Variants in FFAR4 observed in about 807,000 individuals in gnomAD.
The protein encoded by FFAR4 is G-protein coupled receptor 120.
Under a neutral mutation model 27.0 loss-of-function variants are expected in FFAR4, and 19 were observed. The ratio of observed to expected loss-of-function variants is 0.70; its 90% CI spans 0.49 to 1.03. FFAR4 has a LOEUF of 1.03. Ranked by LOEUF, FFAR4 falls within the 50% of genes least tolerant of loss-of-function variation. The probability of loss-of-function intolerance (pLI) is 0.00; values close to 1 mark genes in which losing one functional copy is unlikely to be tolerated. For missense variants in FFAR4, 476 were observed against 479.0 expected (o/e 0.99, Z 0.06); for synonymous variants, 254 against 215.6 (o/e 1.18, Z -1.56).
chr10:93,571,530 G>A lies in FFAR4; in HGVS notation c.567+4243G>A, dbSNP rs548556440. The stretch of plus-strand genomic sequence containing the variant: ...ACTCTTTTGGGTCCCTCTGGATACC[G>A]TCACCCTTGGGTTTATACTCCCTTG... On this transcript the variant is annotated intron_variant, in intron 1 of 2. Transcript: ENST00000371481. Among the ~76,000 whole-genome samples the A allele has an allele frequency of 6.6e-4, 101 of 152,220 alleles. 1 individual carries two copies. The highest frequency in any genetic ancestry group is 2.1e-3 in the African/African-American group (87 of 41,524).
chr10:93,566,697 G>T lies in FFAR4; in HGVS notation c.-24G>T, dbSNP rs367594347. On this transcript the variant is annotated 5_prime_UTR_variant, in exon 1 of 3. Transcript: ENST00000371481. Reference sequence around the variant, plus strand: ...TCCCAGATGAGCACTCTCTCAGACCGCTGCGGGCCGCCAGGCGCCGGGAAT... The same window carrying T: ...TCCCAGATGAGCACTCTCTCAGACCTCTGCGGGCCGCCAGGCGCCGGGAAT... 1.3e-6 allele frequency: 2 copies of T among 1,493,744 alleles called. No individual in the cohort carries two copies. The highest frequency in any genetic ancestry group is 1.3e-5 in the South Asian group (1 of 78,308). The allele number at this position is 1,493,744 out of a possible 1,614,324, so 92.5% of individuals were successfully genotyped here. A position where few individuals can be genotyped will look rare whatever the true frequency, so the allele number is the denominator to read the frequency against.
intron 2 of FFAR4, among the ~76,000 whole-genome samples, chr10:93,578,715 T>C (rs986458716): frequency 5.3e-5 from 8 of 152,162 alleles, no homozygotes; most frequent in Non-Finnish European, 1.2e-4. Flanking sequence ...CGGTCGTGAT[T>C]TGTTAGGCAA....
chr10:93,577,557 C>T (rs1161998784), intron 2 of FFAR4, among the ~76,000 whole-genome samples: 1 of 152,160 alleles, frequency 6.6e-6, no homozygotes, highest in Admixed American at 6.5e-5. Flanking sequence ...AGATTCAGGC[C>T]TGGAGTTAAG....
intron 2 of FFAR4, among the ~76,000 whole-genome samples, chr10:93,581,829 T>A (rs1246597351): frequency 6.6e-6 from 1 of 151,948 alleles, no homozygotes; most frequent in East Asian, 1.9e-4. Context: ...TGGACCACAT[T>A]CCCCAGATGC....
intron 1 of FFAR4, among the ~76,000 whole-genome samples, chr10:93,572,590 T>A (rs1466942059): frequency 6.6e-6 from 1 of 152,090 alleles, no homozygotes; most frequent in Non-Finnish European, 1.5e-5. Flanking sequence ...GATAAGTCAA[T>A]GGCTATGAAG....
intron 2 of FFAR4, among the ~76,000 whole-genome samples, chr10:93,583,359 T>C (rs570387192): frequency 2.1e-5 from 3 of 146,254 alleles, no homozygotes; most frequent in East Asian, 2.0e-4. Flanking sequence ...GAGCTTGCAG[T>C]GAGCCGAGAT....
At position 93,566,739 on chromosome 10, in the gene FFAR4, C is replaced by G. The variant is rs1287121822; in HGVS notation, c.19C>G (p.Arg7Gly). 1.9e-6 allele frequency: 3 copies of G among 1,598,030 alleles called. No homozygotes were observed. The highest frequency in any genetic ancestry group is 2.6e-6 in the Non-Finnish European group (3 of 1,175,476). The change falls in exon 1 of 3, where the codon CGG becomes GGG. Residue 7 changes from arginine to glycine, a missense_variant. Physicochemically the swap from Arg to Gly is moderately radical, Grantham distance 125. Transcript: ENST00000371481. ...GCCGGGAATGTCCCCTGAATGCGCG[C>G]GGGCAGCGGGCGACGCGCCCTTGCG... Reference protein sequence around the residue: MSPECARAAGDAPLRSL... With the variant: MSPECAGAAGDAPLRSL...
At chr10:93,585,630 C>G (rs1410122466) in intron 2 of FFAR4, among the ~76,000 whole-genome samples, 3 of 152,224 alleles carry the variant, frequency 2.0e-5, no homozygotes, top group African/African-American at 7.2e-5. Context: ...TGGCAGTGGT[C>G]TGGTCTCCCA....
intron 2 of FFAR4, chr10:93,579,225 T>A: frequency 1.3e-6 from 2 of 1,579,294 alleles, no homozygotes; most frequent in Non-Finnish European, 1.7e-6. Flanking sequence ...GCACTCTGAG[T>A]AACAGAGTAA....
chr10:93,583,128 C>T (rs762163073), intron 2 of FFAR4, among the ~76,000 whole-genome samples: 8 of 150,954 alleles, frequency 5.3e-5, no homozygotes, highest in Admixed American at 1.3e-4. Flanking sequence ...CTGGGCCGGG[C>T]GCGGTGGCTC....
In FFAR4 at chr10:93,587,620, T is replaced by G. The variant is rs200040318; in HGVS notation, c.*11T>G. On this transcript the variant is annotated 3_prime_UTR_variant, in exon 3 of 3. Coordinates refer to ENST00000371481, the MANE Select transcript of FFAR4 (RefSeq NM_001195755.2). ...ATTATTTCTGGCTAATTTTTCTTTA[T>G]AGCCGAGTTTCTCACACCTGGCGAG... 6.2e-7 allele frequency: 1 copy of G among 1,606,204 alleles called. No homozygotes were observed. Among genetic ancestry groups the G allele is most frequent in the Non-Finnish European group, 8.5e-7 (1 of 1,177,844 alleles).
chr10:93,582,960 T>C (rs532627876), intron 2 of FFAR4, among the ~76,000 whole-genome samples: 3 of 152,106 alleles, frequency 2.0e-5, no homozygotes, highest in East Asian at 3.9e-4. Context: ...TCATTCACTA[T>C]CACAAGAACA....
chr10:93,576,010 C>T (rs2058161461), intron 1 of FFAR4, 81 bp from the exon 2 acceptor site: 2 of 1,434,668 alleles, frequency 1.4e-6, no homozygotes, highest in Admixed American at 3.5e-5. Context: ...GTGTAAGTGT[C>T]AGGAAACCCT....
At chr10:93,573,065 C>T (rs527376893) in intron 1 of FFAR4, among the ~76,000 whole-genome samples, 13 of 152,176 alleles carry the variant, frequency 8.5e-5, no homozygotes, top group Non-Finnish European at 1.9e-4. Flanking sequence ...GAAACAACCC[C>T]CCCTGGGTGG....
chr10:93,580,286 C>A (rs1228628876), intron 2 of FFAR4, among the ~76,000 whole-genome samples: 1 of 152,202 alleles, frequency 6.6e-6, no homozygotes, highest in Non-Finnish European at 1.5e-5. Flanking sequence ...ACAGACAATT[C>A]ACAAATTGTT....
intron 2 of FFAR4, among the ~76,000 whole-genome samples, chr10:93,584,317 CTT>C (rs1475506269): frequency 6.6e-6 from 1 of 152,132 alleles, no homozygotes; most frequent in African/African-American, 2.4e-5. Flanking sequence ...CCTTTTGAGA[CTT>C]TTGTAATTTG....
In FFAR4 at chr10:93,567,212, C is replaced by A. The variant is rs777991648; in HGVS notation, c.492C>A (p.Gly164=). The change falls in exon 1 of 3, where the codon GGC becomes GGA. Residue 164 remains glycine, a synonymous_variant. Transcript: ENST00000371481. The part of the protein sequence containing the change: ...ARAVLLALIW[G]YSAVAALPLC... The stretch of plus-strand genomic sequence containing the variant: ...CAGTGCTGCTGGCGCTCATCTGGGG[C>A]TATTCGGCGGTCGCCGCTCTGCCTC... 2.7e-5 allele frequency: 44 copies of A among 1,602,244 alleles called. No individual in the cohort carries two copies. The highest frequency in any genetic ancestry group is 3.4e-5 in the Non-Finnish European group (40 of 1,179,516).
chr10:93,586,771 C>T (rs2058229695), intron 2 of FFAR4, among the ~76,000 whole-genome samples: 1 of 152,136 alleles, frequency 6.6e-6, no homozygotes, highest in South Asian at 2.1e-4. Flanking sequence ...GGTGCATTTC[C>T]AGAAAGCCAT....
intron 2 of FFAR4, among the ~76,000 whole-genome samples, chr10:93,576,935 G>A (rs2134547273): frequency 6.6e-6 from 1 of 152,252 alleles, no homozygotes. Flanking sequence ...CAAACTGAGT[G>A]CATTCATGAA....
Sources: allele counts gnomAD v4.1 joint callset (sites outside exome capture counted in the v4.1 genomes callset), GRCh38; gene constraint gnomAD v4.1.1; transcripts MANE v1.5; gene names NCBI Gene and HGNC (gene_info 2026-07-23, HGNC 2026-07-21).